The following LTF variants were observed in gnomAD, a reference collection of about 807,000 sequenced individuals.
The protein encoded by LTF is lactotransferrin, also known as epididymis luminal protein 110.
In LTF, 91 loss-of-function variants were observed where a neutral mutation model predicts 87.2. The observed-to-expected ratio is 1.04, with a 90% CI of 0.88 to 1.24. The LOEUF (loss-of-function observed/expected upper bound fraction) is 1.24. LTF is among the 50% of genes most tolerant of loss of function. The pLI is 0.00. For synonymous variants in LTF, 378 were observed against 356.1 expected (o/e 1.06, Z -0.69); for missense variants, 901 against 904.3 (o/e 1.00, Z 0.05).
intron 11 of LTF, among the ~76,000 whole-genome samples, chr3:46,445,960 A>G (rs971058859): frequency 6.6e-6 from 1 of 152,266 alleles, no homozygotes; most frequent in Non-Finnish European, 1.5e-5. Flanking sequence ...GAGAGAATGC[A>G]TCTGACAGAC....
At chr3:46,483,915 T>G (rs1703483702) in intron 1 of LTF, among the ~76,000 whole-genome samples, 1 of 152,130 alleles carries the variant, frequency 6.6e-6, no homozygotes, top group African/African-American at 2.4e-5. Flanking sequence ...GTGCTGGGAC[T>G]ATAGATGTGA....
rs201705692 is a variant in LTF at position 46,459,764 on chromosome 3, G to A, written c.99C>T (p.Pro33=). 1.3e-4 allele frequency: 211 copies of A among 1,563,076 alleles called. No individual in the cohort carries two copies. The highest frequency in any genetic ancestry group is 8.8e-4 in the Admixed American group (46 of 52,212). ...RSVQWCAVSQ[P]EATKCFQWQR... ...GCCATTGGAAGCATTTTGTGGCCTCGGGTTGGGATACGGCGCACCACTGAA... is the reference window on the plus strand; with the variant it reads ...GCCATTGGAAGCATTTTGTGGCCTCAGGTTGGGATACGGCGCACCACTGAA... Residue 33 remains proline, a synonymous_variant, in exon 2 of 17, where the codon CCC becomes CCT. Transcript: ENST00000231751.
chr3:46,468,425 C>A (rs918970378), upstream of LTF: 79 of 429,396 alleles, frequency 1.8e-4, no homozygotes, highest in African/African-American at 1.5e-3. Context: ...GTGGCAAGAG[C>A]TAGTGTTCAA....
rs530818614 is a variant in LTF at position 46,479,619 on chromosome 3, G to A, written c.-320+5367C>T. Among the ~76,000 whole-genome samples, 13 of 152,340 alleles carry A rather than the reference G, an allele frequency of 8.5e-5. No homozygotes were observed. The East Asian group carries it at 2.1e-3, about 25-fold the overall frequency. On this transcript the variant is annotated intron_variant, in intron 1 of 19. Coordinates refer to the LTF transcript ENST00000443496. The stretch of plus-strand genomic sequence containing the variant: ...ACTCACTCCAACCTCTGCCTCCAGG[G>A]TTCAAGCGATTCTCCTGCCTCAGCC...
chr3:46,454,041 C>T (rs996303298), intron 6 of LTF: 1 of 495,948 alleles, frequency 2.0e-6, no homozygotes, highest in Non-Finnish European at 3.7e-6. Context: ...TGCATGAGCA[C>T]ATGTGTCTTG....
chr3:46,453,905 T>C (rs937697120), intron 6 of LTF: 3 of 209,190 alleles, frequency 1.4e-5, no homozygotes, highest in Admixed American at 5.2e-5. Context: ...TAGACATGTA[T>C]ACAACAATAC....
At chr3:46,453,164 T>C (rs1702842715) in intron 6 of LTF, among the ~76,000 whole-genome samples, 1 of 152,098 alleles carries the variant, frequency 6.6e-6, no homozygotes, top group African/African-American at 2.4e-5. Flanking sequence ...TAAAAAGTAG[T>C]CAAATGTCAC....
intron 1 of LTF, among the ~76,000 whole-genome samples, chr3:46,479,813 C>G (rs2106927863): frequency 6.6e-6 from 1 of 152,334 alleles, no homozygotes; most frequent in Middle Eastern, 3.4e-3. Flanking sequence ...CAGGCGTGAG[C>G]CACTGCGCCC....
In LTF at chr3:46,445,433, T is replaced by C. The variant is rs375658368; in HGVS notation, c.1361A>G (p.Tyr454Cys). 1.2e-6 allele frequency: 2 copies of C among 1,611,290 alleles called. No individual in the cohort carries two copies. The highest frequency in any genetic ancestry group is 1.7e-6 in the Non-Finnish European group (2 of 1,178,904). Residue 454 changes from tyrosine to cysteine, a missense_variant, in exon 12 of 17, where the codon TAT (tyrosine) becomes TGT (cysteine). Physicochemically the swap from Tyr to Cys is radical, Grantham distance 194. Coordinates refer to ENST00000231751, the MANE Select transcript of LTF (RefSeq NM_002343.6). ...PNCVDRPVEGYLAVAVVRRSD... is the reference protein window; with the variant it reads ...PNCVDRPVEGCLAVAVVRRSD... The stretch of plus-strand genomic sequence containing the variant: ...TCTCCTAACCACCGCCACAGCAAGA[T>C]ATCCTGGCATAACAGATGACAGAAA...
At chr3:46,468,808 C>A (rs908905582), upstream of LTF, among the ~76,000 whole-genome samples, 2 of 152,226 alleles carry the variant, frequency 1.3e-5, no homozygotes, top group African/African-American at 4.8e-5. Flanking sequence ...ACTTGAGAAC[C>A]ACTTGTTAAA....
chr3:46,444,781 T>A (rs1392971332), intron 12 of LTF, among the ~76,000 whole-genome samples: 2 of 151,650 alleles, frequency 1.3e-5, no homozygotes. Context: ...CTAGGATGAG[T>A]GTGGGGTGTG....
rs1240101444 is a variant in LTF, at chr3:46,459,836, A to G, written c.44-17T>C. ...GACACAGTCCTGGGAGAGAGGGGCC[A>G]AGGAGTAAGGATTCAACCACTGACT... On this transcript the variant is annotated splice_polypyrimidine_tract_variant and intron_variant, in intron 1 of 16. Coordinates refer to ENST00000231751, the MANE Select transcript of LTF (RefSeq NM_002343.6). The G allele has an allele frequency of 1.3e-6, 2 of 1,507,434 alleles. No individual in the cohort carries two copies. Among genetic ancestry groups the G allele is most frequent in the Non-Finnish European group, 8.8e-7 (1 of 1,133,522 alleles). 93.4% of individuals were successfully genotyped at this position (1,507,434 alleles called of 1,614,324 possible).
chr3:46,446,610 A>G (rs1702660956), intron 10 of LTF, 117 bp from the exon 11 acceptor site: 2 of 805,238 alleles, frequency 2.5e-6, no homozygotes, highest in Non-Finnish European at 4.1e-6. Context: ...CAGCAGTTCC[A>G]TGCAGGAGAA....
At chr3:46,448,805 C>A in intron 9 of LTF, 58 bp downstream of exon 9, 2 of 1,585,456 alleles carry the variant, frequency 1.3e-6, no homozygotes, top group Admixed American at 1.9e-5. Flanking sequence ...TAAGCAGATG[C>A]CCAGGCCCTA....
At chr3:46,466,123 C>T (rs1703208059), upstream of LTF, among the ~76,000 whole-genome samples, 1 of 152,026 alleles carries the variant, frequency 6.6e-6, no homozygotes, top group Admixed American at 6.6e-5. Context: ...GCCTATGGTC[C>T]CAGCTACTTG....
intron 9 of LTF, 110 bp from the exon 10 acceptor site, chr3:46,447,508 C>T (rs780422678): frequency 2.4e-5 from 19 of 780,828 alleles, no homozygotes; most frequent in Non-Finnish European, 3.2e-5. Context: ...AGTGAAACAG[C>T]AGAAAGAGAT....
chr3:46,476,117 A>G (rs1182025052), intron 1 of LTF, among the ~76,000 whole-genome samples: 1 of 152,184 alleles, frequency 6.6e-6, no homozygotes, highest in East Asian at 1.9e-4. Flanking sequence ...CACTTATAAA[A>G]TCTAATTACT....
intron 1 of LTF, among the ~76,000 whole-genome samples, chr3:46,472,696 T>C (rs1703309419): frequency 6.6e-6 from 1 of 151,876 alleles, no homozygotes; most frequent in South Asian, 2.1e-4. Flanking sequence ...CTCCAGAACA[T>C]GTGTTGTTGG....
intron 1 of LTF, among the ~76,000 whole-genome samples, chr3:46,475,505 T>C (rs1703348510): frequency 6.9e-6 from 1 of 144,470 alleles, no homozygotes; most frequent in South Asian, 2.2e-4. Flanking sequence ...TTTCATCTGC[T>C]CTCCCCCTAA....
Sources: allele counts gnomAD v4.1 joint callset (sites outside exome capture counted in the v4.1 genomes callset), GRCh38; gene constraint gnomAD v4.1.1; transcripts MANE v1.5; gene names NCBI Gene and HGNC (gene_info 2026-07-23, HGNC 2026-07-21).